Variants in KCNH7 observed in about 807,000 individuals in gnomAD.
The protein encoded by KCNH7 is voltage-gated inwardly rectifying potassium channel KCNH7.
KCNH7 carries 49 observed loss-of-function variants against 120.8 expected under a neutral mutation model. That is an observed-to-expected ratio of 0.41 (90% CI 0.32 to 0.51). KCNH7 has a LOEUF of 0.51. Among genes scored for constraint, KCNH7 ranks in the 20% least tolerant of loss-of-function variants. KCNH7 has a pLI of 0.38. For missense variants in KCNH7, 1,097 were observed against 1,446.6 expected, an observed-to-expected ratio of 0.76 and a Z score of 3.92; for synonymous variants, 547 against 516.1, an observed-to-expected ratio of 1.06 and a Z score of -0.81.
chr2:162,594,853 A>G (rs552177083), intron 2 of KCNH7, among the ~76,000 whole-genome samples: 3 of 152,162 alleles, frequency 2.0e-5, no homozygotes, highest in South Asian at 4.1e-4. Flanking sequence ...TTTGGTATCC[A>G]TGAGGGATTC....
chr2:162,525,200 G>T (rs1558994523), intron 3 of KCNH7, among the ~76,000 whole-genome samples: 2 of 151,956 alleles, frequency 1.3e-5, no homozygotes, highest in Non-Finnish European at 2.9e-5. Flanking sequence ...CTTATAGTAA[G>T]CAGTGAGGAT....
At chr2:162,444,784 G>C (rs1442525605) in intron 7 of KCNH7, among the ~76,000 whole-genome samples, 2 of 152,070 alleles carry the variant, frequency 1.3e-5, no homozygotes, top group Admixed American at 1.3e-4. Context: ...TATTAATAAA[G>C]AAATATTTCA....
chr2:162,520,809 C>T (rs1169952175), intron 3 of KCNH7, among the ~76,000 whole-genome samples: 1 of 151,730 alleles, frequency 6.6e-6, no homozygotes, highest in Non-Finnish European at 1.5e-5. Context: ...TAAACTATTG[C>T]ACAATTCCAC....
chr2:162,659,895 A>G (rs1170941156), intron 2 of KCNH7, among the ~76,000 whole-genome samples: 1 of 152,178 alleles, frequency 6.6e-6, no homozygotes, highest in Non-Finnish European at 1.5e-5. Flanking sequence ...AGAACTCACC[A>G]TTGAACTCAT....
Position 162,634,175 on chromosome 2 carries a change from G to C in KCNH7, c.308-97095C>G, listed in dbSNP as rs544936414. On this transcript the variant is annotated intron_variant, in intron 2 of 15. Coordinates refer to ENST00000332142, the MANE Select transcript of KCNH7 (RefSeq NM_033272.4). ...ACATTGTTTTCCTTTAGCAGCAGCA[G>C]TAAATACTATATTTTTATATCATTT... is the stretch of plus-strand genomic sequence containing the variant. Among the ~76,000 whole-genome samples, 9 of 152,114 alleles carry C rather than the reference G, an allele frequency of 5.9e-5. No individual in the cohort carries two copies. The South Asian group carries it at 1.9e-3, about 32-fold the overall frequency.
intron 9 of KCNH7, among the ~76,000 whole-genome samples, chr2:162,418,124 G>T (rs1190553852): frequency 6.6e-6 from 1 of 152,132 alleles, no homozygotes; most frequent in Middle Eastern, 3.2e-3. Flanking sequence ...ACATGCAGAT[G>T]ACAACATCTT....
At chr2:162,552,301 T>C (rs1692695933) in intron 2 of KCNH7, among the ~76,000 whole-genome samples, 1 of 152,218 alleles carries the variant, frequency 6.6e-6, no homozygotes, top group Admixed American at 6.5e-5. Context: ...TTTTAGACTT[T>C]TTGAAAAATT....
intron 12 of KCNH7, among the ~76,000 whole-genome samples, chr2:162,387,909 T>C (rs1264683415): frequency 6.6e-6 from 1 of 151,814 alleles, no homozygotes; most frequent in African/African-American, 2.4e-5. Flanking sequence ...CAGTTTACCA[T>C]TTCTATTTGT....
At chr2:162,642,930 G>A (rs1003827901) in intron 2 of KCNH7, among the ~76,000 whole-genome samples, 1 of 152,176 alleles carries the variant, frequency 6.6e-6, no homozygotes, top group Non-Finnish European at 1.5e-5. Context: ...TAACATGCTG[G>A]TCAAATTATG....
chr2:162,762,929 A>T (rs1689016421), intron 2 of KCNH7, among the ~76,000 whole-genome samples: 1 of 152,116 alleles, frequency 6.6e-6, no homozygotes, highest in East Asian at 1.9e-4. Flanking sequence ...TTATTTAAGC[A>T]GTTCTTTAAA....
At chr2:162,618,502 T>TA (rs977346166) in intron 2 of KCNH7, among the ~76,000 whole-genome samples, 5 of 151,832 alleles carry the variant, frequency 3.3e-5, no homozygotes, top group African/African-American at 7.3e-5. Context: ...ATCACTAGTT[T>TA]AAAAAAAACC....
intron 12 of KCNH7, among the ~76,000 whole-genome samples, chr2:162,390,301 G>A (rs1686707661): frequency 6.7e-6 from 1 of 149,494 alleles, no homozygotes; most frequent in African/African-American, 2.5e-5. Flanking sequence ...TATAAATTAT[G>A]TATATACATA....
At chr2:162,501,558 A>C (rs1048092848) in intron 6 of KCNH7, among the ~76,000 whole-genome samples, 4 of 152,062 alleles carry the variant, frequency 2.6e-5, no homozygotes, top group Admixed American at 2.6e-4. Flanking sequence ...GTAGCTTACA[A>C]ACAAGAGAAA....
At chr2:162,681,810 ATTT>A (rs71410025) in intron 2 of KCNH7, among the ~76,000 whole-genome samples, 4 of 141,174 alleles carry the variant, frequency 2.8e-5, no homozygotes, top group Non-Finnish European at 3.1e-5. Context: ...GGGGTCTGTG[ATTT>A]TTTTTTTTTT....
intron 1 of KCNH7, 29 bp downstream of exon 1, chr2:162,838,414 G>C: frequency 4.4e-6 from 7 of 1,583,632 alleles, no homozygotes; most frequent in Non-Finnish European, 6.1e-6. Context: ...CAGAAAGCGA[G>C]GGCGAGAGAA....
intron 2 of KCNH7, among the ~76,000 whole-genome samples, chr2:162,774,040 A>AG (rs1339714727): frequency 6.6e-6 from 1 of 152,158 alleles, no homozygotes; most frequent in African/African-American, 2.4e-5. Flanking sequence ...TGAACTTCAG[A>AG]GCTCCAGTGT....
chr2:162,470,100 C>T (rs371212769), intron 6 of KCNH7, among the ~76,000 whole-genome samples: 3 of 152,178 alleles, frequency 2.0e-5, no homozygotes, highest in Non-Finnish European at 2.9e-5. Context: ...CCCAAAGTGC[C>T]GAGATTGCAG....
At chr2:162,464,213 G>A (rs1558959163) in intron 6 of KCNH7, among the ~76,000 whole-genome samples, 2 of 151,950 alleles carry the variant, frequency 1.3e-5, no homozygotes. Context: ...AGATTCATTA[G>A]CTTCCTATTT....
At chr2:162,408,309 A>G (rs1452715954) in intron 9 of KCNH7, among the ~76,000 whole-genome samples, 1 of 152,044 alleles carries the variant, frequency 6.6e-6, no homozygotes, top group Admixed American at 6.6e-5. Context: ...AAGACTGGAC[A>G]ACAATTGTTT....
Sources: allele counts gnomAD v4.1 joint callset (sites outside exome capture counted in the v4.1 genomes callset), GRCh38; gene constraint gnomAD v4.1.1; transcripts MANE v1.5; gene names NCBI Gene and HGNC (gene_info 2026-07-23, HGNC 2026-07-21).